The following PRPSAP2 variants were observed in gnomAD, a reference collection of about 807,000 sequenced individuals.
PRPSAP2 encodes phosphoribosyl pyrophosphate synthetase associated protein 2.
PRPSAP2 carries 24 observed loss-of-function variants against 40.6 expected under a neutral mutation model. The ratio of observed to expected loss-of-function variants is 0.59; its 90% CI spans 0.43 to 0.83. PRPSAP2 has a LOEUF of 0.83. PRPSAP2 is among the 40% of genes least tolerant of loss of function. The pLI, the probability that PRPSAP2 is intolerant of heterozygous loss-of-function variation, is 0.00. For missense variants in PRPSAP2, 292 were observed against 465.6 expected (o/e 0.63, Z 3.43); for synonymous variants, 149 against 164.7 (o/e 0.90, Z 0.73).
intron 10 of PRPSAP2, among the ~76,000 whole-genome samples, chr17:18,926,236 A>ATTAT (rs35064082): frequency 0.36 from 52,497 of 144,990 alleles, 9,714 homozygotes; most frequent in South Asian, 0.41. Flanking sequence ...GTGCCACTGC[A>ATTAT]TTATTTATTT....
At chr17:18,870,100 A>G (rs1042905050) in intron 4 of PRPSAP2, among the ~76,000 whole-genome samples, 1 of 152,040 alleles carries the variant, frequency 6.6e-6, no homozygotes, top group African/African-American at 2.4e-5. Flanking sequence ...CATCCACCTC[A>G]GCCTCCCAAA....
chr17:18,901,138 G>A (rs2040243402), intron 8 of PRPSAP2, among the ~76,000 whole-genome samples: 1 of 152,132 alleles, frequency 6.6e-6, no homozygotes, highest in Non-Finnish European at 1.5e-5. Context: ...GCTAGAGTAA[G>A]GCAGTTATTG....
At position 18,911,125 on chromosome 17, in the gene PRPSAP2, C is replaced by T. The variant is rs1413546471; in HGVS notation, c.607C>T (p.Leu203=). The T allele has an allele frequency of 6.2e-7, 1 of 1,612,482 alleles. No individual in the cohort carries two copies. Among genetic ancestry groups the T allele is most frequent in the African/African-American group, 1.3e-5 (1 of 74,898 alleles). The change falls in exon 9 of 12, where the codon CTG becomes TTG. Residue 203 remains leucine (L), a synonymous_variant. Transcript: ENST00000268835. This position sits in a 1 kb window ranked among gnomAD's most constrained non-coding sequence, Gnocchi z 4.5. Reference sequence around the variant, plus strand: ...CAGGGCACAGTCTTTTGCTGAGCGCCTGCGCCTGGGAATTGCAGTGATTCA... The same window carrying T: ...CAGGGCACAGTCTTTTGCTGAGCGCTTGCGCCTGGGAATTGCAGTGATTCA... ...AKRAQSFAER[L]RLGIAVIHGE...
intron 8 of PRPSAP2, among the ~76,000 whole-genome samples, chr17:18,898,880 G>A (rs2040084762): frequency 2.3e-5 from 2 of 87,020 alleles, no homozygotes; most frequent in South Asian, 3.9e-4. Context: ...TGACATAAAT[G>A]TCAGGTGTTT....
At chr17:18,902,725 G>A (rs1033364916) in intron 8 of PRPSAP2, among the ~76,000 whole-genome samples, 2 of 151,744 alleles carry the variant, frequency 1.3e-5, no homozygotes, top group Non-Finnish European at 2.9e-5. Flanking sequence ...CAAAATTAGC[G>A]GGGCATGGTG....
At chr17:18,872,053 G>A (rs559489957) in intron 4 of PRPSAP2, among the ~76,000 whole-genome samples, 3 of 152,162 alleles carry the variant, frequency 2.0e-5, no homozygotes, top group East Asian at 1.9e-4. Flanking sequence ...GGCAGATCGC[G>A]AGGTCAGGAG....
At chr17:18,878,364 T>TATA (rs149159051) in intron 6 of PRPSAP2, among the ~76,000 whole-genome samples, 1,772 of 152,268 alleles carry the variant, frequency 0.012, 36 homozygotes, top group African/African-American at 0.041. Flanking sequence ...ACTATGGACA[T>TATA]ATACCACCGT....
chr17:18,894,317 G>A (rs1021558275), intron 8 of PRPSAP2, among the ~76,000 whole-genome samples: 13 of 151,756 alleles, frequency 8.6e-5, no homozygotes, highest in African/African-American at 2.9e-4. Flanking sequence ...GCGCCACCAC[G>A]CCTATCTAAT....
chr17:18,868,000 G>T (rs1176011103), intron 4 of PRPSAP2, among the ~76,000 whole-genome samples: 3 of 151,916 alleles, frequency 2.0e-5, no homozygotes, highest in South Asian at 4.2e-4. Context: ...GCCAGGAGTG[G>T]TGGTTTGCAC....
intron 5 of PRPSAP2, among the ~76,000 whole-genome samples, chr17:18,876,720 CAG>C (rs2151901553): frequency 6.6e-6 from 1 of 152,130 alleles, no homozygotes; most frequent in South Asian, 2.1e-4. Context: ...GGTGAGAGGG[CAG>C]AGAGAGGCAG....
At chr17:18,928,990 G>T in intron 11 of PRPSAP2, 33 bp downstream of exon 11, 4 of 1,593,476 alleles carry the variant, frequency 2.5e-6, no homozygotes, top group Non-Finnish European at 2.6e-6. Context: ...GGGTACAGCT[G>T]CCTGGGCTTT....
chr17:18,903,963 G>GTA (rs942122242), intron 8 of PRPSAP2, among the ~76,000 whole-genome samples: 1 of 152,254 alleles, frequency 6.6e-6, no homozygotes, highest in Non-Finnish European at 1.5e-5. Flanking sequence ...CCTCCTCCAA[G>GTA]TTTTTCATTT....
At chr17:18,882,456 A>C in intron 6 of PRPSAP2, 112 bp from the exon 7 acceptor site, 1 of 697,892 alleles carries the variant, frequency 1.4e-6, no homozygotes, top group East Asian at 2.5e-5. Flanking sequence ...GGCTGCAGTT[A>C]GCTATGGTCA....
Position 18,875,098 on chromosome 17 carries a change from T to G in PRPSAP2, c.239+2449T>G, listed in dbSNP as rs184491616. On this transcript the variant is annotated intron_variant, in intron 5 of 11. Transcript: ENST00000268835. ...ATCCTGTGCCCCTGTCTTTTGTCAG[T>G]TTCATATTCCTCTAATCAGAATCAC... Among the ~76,000 whole-genome samples the G allele has an allele frequency of 1.6e-4, 24 of 152,294 alleles. No individual in the cohort carries two copies. In the East Asian group the frequency reaches 4.2e-3, roughly 27 times the overall value.
chr17:18,922,320 G>T (rs1056712162), intron 9 of PRPSAP2, among the ~76,000 whole-genome samples: 2 of 152,142 alleles, frequency 1.3e-5, no homozygotes, highest in Non-Finnish European at 2.9e-5. Context: ...GAATTGCTGC[G>T]TCACTTGGTG....
At chr17:18,898,232 C>T (rs1016669436) in intron 8 of PRPSAP2, among the ~76,000 whole-genome samples, 2 of 151,194 alleles carry the variant, frequency 1.3e-5, no homozygotes, top group African/African-American at 4.9e-5. Flanking sequence ...CTCTTGACCT[C>T]GCAATCTGCC....
At position 18,911,880 on chromosome 17, in the gene PRPSAP2, G is replaced by A. The variant is rs1359625480; in HGVS notation, c.733+629G>A. Among the ~76,000 whole-genome samples, 1 of 152,196 alleles carries A rather than the reference G, an allele frequency of 6.6e-6. No individual in the cohort carries two copies. The highest frequency in any genetic ancestry group is 1.5e-5 in the Non-Finnish European group (1 of 68,032). Reference sequence around the variant, plus strand: ...AGGCTGTGAAGGTCAAGATAAAGGCGCCAGCACTGACCCCGTGATGGGCCG... The same window carrying A: ...AGGCTGTGAAGGTCAAGATAAAGGCACCAGCACTGACCCCGTGATGGGCCG... On this transcript the variant is annotated intron_variant, in intron 9 of 11. Coordinates refer to ENST00000268835, the MANE Select transcript of PRPSAP2 (RefSeq NM_002767.4). The surrounding 1 kb of genome is among the most constrained non-coding windows in gnomAD (Gnocchi z 4.5).
chr17:18,887,744 T>A (rs1293187105), intron 7 of PRPSAP2, among the ~76,000 whole-genome samples: 1 of 152,196 alleles, frequency 6.6e-6, no homozygotes, highest in African/African-American at 2.4e-5. Flanking sequence ...TTTATTCTGC[T>A]GTTAAGCCAG....
chr17:18,928,995 G>A (rs947949686), intron 11 of PRPSAP2, 38 bp downstream of exon 11: 10 of 1,588,474 alleles, frequency 6.3e-6, no homozygotes, highest in Non-Finnish European at 8.6e-6. Context: ...CAGCTGCCTG[G>A]GCTTTTGGCA....
Sources: gnomAD v4.1 joint callset for allele counts (sites outside exome capture counted in the v4.1 genomes callset) on GRCh38, gnomAD v4.1.1 for gene constraint, Gnocchi (gnomAD v3.1) non-coding constraint, MANE v1.5 for transcripts, NCBI Gene and HGNC (gene_info 2026-07-23, HGNC 2026-07-21) for gene names.